The following FILIP1 variants were observed in gnomAD, a reference collection of about 807,000 sequenced individuals.
FILIP1 encodes filamin A interacting protein 1.
Under a neutral mutation model 102.1 loss-of-function variants are expected in FILIP1, and 61 were observed. The ratio of observed to expected loss-of-function variants is 0.60; its 90% CI spans 0.49 to 0.74. The LOEUF is 0.74. Among genes scored for constraint, FILIP1 ranks in the 30% least tolerant of loss-of-function variants. FILIP1 has a pLI of 0.00. For synonymous variants in FILIP1, 491 were observed against 526.9 expected, an observed-to-expected ratio of 0.93 and a Z score of 0.93; for missense variants, 1,314 against 1,441.2, an observed-to-expected ratio of 0.91 and a Z score of 1.43.
At chr6:75,477,917 G>A (rs1263231132) in intron 1 of FILIP1, among the ~76,000 whole-genome samples, 2 of 152,198 alleles carry the variant, frequency 1.3e-5, no homozygotes, top group African/African-American at 4.8e-5. Context: ...ATTGAATAAT[G>A]TACTGCTGTT....
At chr6:75,409,022 T>TA (rs1351106987) in intron 2 of FILIP1, among the ~76,000 whole-genome samples, 8 of 152,066 alleles carry the variant, frequency 5.3e-5, no homozygotes, top group East Asian at 1.9e-4. Context: ...CTCCCTGGTG[T>TA]AAAAAAAACC....
intron 1 of FILIP1, chr6:75,465,233 C>T (rs562598918): frequency 1.8e-5 from 4 of 224,022 alleles, no homozygotes; most frequent in Admixed American, 5.9e-5. Flanking sequence ...CAGTTAACTG[C>T]GGTCTAGAAG....
In FILIP1 at chr6:75,353,625, G is replaced by A. The variant is rs147716908; in HGVS notation, c.543C>T (p.Tyr181=). The change falls in exon 4 of 6, where the codon TAC becomes TAT. Residue 181 remains tyrosine (Y), a synonymous_variant. Transcript: ENST00000237172. ...GTTTATGCTTCTCGTTCTCTAACTC[G>A]TATACGGTGCGCCTATGACACTTCT... The part of the protein sequence containing the change: ...LAEKCHRRTV[Y]ELENEKHKHT... 16 of 1,614,038 alleles carry A rather than the reference G, an allele frequency of 9.9e-6. No individual in the cohort carries two copies. Among genetic ancestry groups the A allele is most frequent in the African/African-American group, 9.3e-5 (7 of 74,936 alleles).
intron 1 of FILIP1, among the ~76,000 whole-genome samples, chr6:75,428,060 T>C (rs572402566): frequency 6.6e-6 from 1 of 152,306 alleles, no homozygotes; most frequent in Non-Finnish European, 1.5e-5. Context: ...AAATAAGCCC[T>C]GGCAGAAGGA....
chr6:75,437,949 G>T (rs935409042), intron 1 of FILIP1, among the ~76,000 whole-genome samples: 1 of 152,098 alleles, frequency 6.6e-6, no homozygotes, highest in South Asian at 2.1e-4. Flanking sequence ...TTAATTTATT[G>T]AAAATAAATA....
At chr6:75,455,753 C>T (rs953695493) in intron 1 of FILIP1, among the ~76,000 whole-genome samples, 1 of 152,118 alleles carries the variant, frequency 6.6e-6, no homozygotes, top group African/African-American at 2.4e-5. Flanking sequence ...CCATTCAAGG[C>T]TTTCTTATCT....
At chr6:75,413,683 C>T (rs527251601) in intron 2 of FILIP1, among the ~76,000 whole-genome samples, 1 of 151,528 alleles carries the variant, frequency 6.6e-6, no homozygotes, top group African/African-American at 2.4e-5. Context: ...ATTATTTTTG[C>T]ACCAACCTAA....
At chr6:75,467,013 C>T (rs1779189095) in intron 1 of FILIP1, among the ~76,000 whole-genome samples, 1 of 152,140 alleles carries the variant, frequency 6.6e-6, no homozygotes, top group Admixed American at 6.5e-5. Flanking sequence ...TTACTGTCTC[C>T]TTTTAACTCT....
At chr6:75,352,801 A>T (rs968029595) in intron 4 of FILIP1, among the ~76,000 whole-genome samples, 1 of 151,904 alleles carries the variant, frequency 6.6e-6, no homozygotes, top group African/African-American at 2.4e-5. Context: ...AATAGAAAGC[A>T]ATTTGTAGAA....
intron 1 of FILIP1, among the ~76,000 whole-genome samples, chr6:75,432,731 TG>T (rs1582497054): frequency 1.3e-5 from 2 of 152,192 alleles, no homozygotes; most frequent in East Asian, 3.8e-4. Flanking sequence ...GTGCATAACA[TG>T]CAGGTTTGTT....
At chr6:75,410,607 T>C (rs183220225) in intron 2 of FILIP1, among the ~76,000 whole-genome samples, 128 of 152,264 alleles carry the variant, frequency 8.4e-4, no homozygotes, top group African/African-American at 3.1e-3. Context: ...GCCCATATGT[T>C]TTCATTGTTC....
At chr6:75,300,747 A>C (rs2149534031) in intron 6 of FILIP1, among the ~76,000 whole-genome samples, 1 of 152,286 alleles carries the variant, frequency 6.6e-6, no homozygotes, top group South Asian at 2.1e-4. Flanking sequence ...TGCTCTAGGA[A>C]ATTTTTGAAC....
chr6:75,298,867 G>A (rs771273737), intron 6 of FILIP1, among the ~76,000 whole-genome samples: 2 of 152,046 alleles, frequency 1.3e-5, no homozygotes, highest in African/African-American at 2.4e-5. Flanking sequence ...GCAGCGTGCC[G>A]AGATAGCACC....
intron 4 of FILIP1, among the ~76,000 whole-genome samples, chr6:75,337,137 G>T: frequency 6.6e-6 from 1 of 151,886 alleles, no homozygotes; most frequent in Admixed American, 6.6e-5. Context: ...CAACTCCTCA[G>T]CACATATTAA....
chr6:75,476,726 C>T (rs991714739), intron 1 of FILIP1, among the ~76,000 whole-genome samples: 25 of 152,090 alleles, frequency 1.6e-4, no homozygotes, highest in Admixed American at 1.6e-3. Context: ...TATTGAGCAC[C>T]CTTTACAACC....
At chr6:75,445,286 C>A (rs1778407965) in intron 1 of FILIP1, among the ~76,000 whole-genome samples, 1 of 152,170 alleles carries the variant, frequency 6.6e-6, no homozygotes, top group Non-Finnish European at 1.5e-5. Flanking sequence ...CTTACTCTTA[C>A]AAGACCTAAG....
rs936858621 is a variant in FILIP1, at chr6:75,440,033, T to C, written c.-6-25055A>G. ...TATGATGGTTTGCTTTTCTTGTTAA[T>C]ATATAAGTCAATATTTTAGGAGTTT... On this transcript the variant is annotated intron_variant, in intron 1 of 5. Coordinates refer to ENST00000237172, the MANE Select transcript of FILIP1 (RefSeq NM_015687.5). Among the ~76,000 whole-genome samples, 9 of 152,240 alleles carry C rather than the reference T, an allele frequency of 5.9e-5. 1 individual carries two copies. Among genetic ancestry groups the C allele is most frequent in the Admixed American group, 2.6e-4 (4 of 15,284 alleles).
chr6:75,481,824 T>C (rs1282071052), intron 1 of FILIP1, among the ~76,000 whole-genome samples: 1 of 152,120 alleles, frequency 6.6e-6, no homozygotes, highest in Non-Finnish European at 1.5e-5. Flanking sequence ...ACCAAATCCT[T>C]CTAAATTCTC....
At chr6:75,426,048 T>C (rs562842559) in intron 1 of FILIP1, among the ~76,000 whole-genome samples, 2 of 151,728 alleles carry the variant, frequency 1.3e-5, no homozygotes, top group East Asian at 3.9e-4. Context: ...TGTACTATTG[T>C]AGCACAAAAG....
Sources: allele counts gnomAD v4.1 joint callset (sites outside exome capture counted in the v4.1 genomes callset), GRCh38; gene constraint gnomAD v4.1.1; transcripts MANE v1.5; gene names NCBI Gene and HGNC (gene_info 2026-07-23, HGNC 2026-07-21).